The following MRPS24 variants were observed in gnomAD, a reference collection of about 807,000 sequenced individuals.
The protein encoded by MRPS24 is small ribosomal subunit protein uS3m.
Under a neutral mutation model 21.8 loss-of-function variants are expected in MRPS24, and 15 were observed. The ratio of observed to expected loss-of-function variants is 0.69; its 90% CI spans 0.46 to 1.06. The LOEUF is 1.06. MRPS24 is among the 50% of genes least tolerant of loss of function. The pLI, the probability that MRPS24 is intolerant of heterozygous loss-of-function variation, is 0.00. For synonymous variants in MRPS24, 93 were observed against 93.7 expected (o/e 0.99, Z 0.04); for missense variants, 224 against 219.1 (o/e 1.02, Z -0.14).
Position 43,869,481 on chromosome 7 carries a change from C to T in MRPS24, c.15G>A (p.Val5=). 1.3e-6 allele frequency: 2 copies of T among 1,570,108 alleles called. No individual in the cohort carries two copies. Among genetic ancestry groups the T allele is most frequent in the African/African-American group, 1.4e-5 (1 of 73,984 alleles). ...CCCGTGGCCCCAGCAACCCGCTGCA[C>T]ACGGAGGCCGCCATCTTGGGCCAAG... The part of the protein sequence containing the change: MAAS[V]CSGLLGPRVL... The change falls in exon 1 of 4, where the codon GTG becomes GTA. Residue 5 remains valine, a synonymous_variant. Transcript: ENST00000317534. The surrounding 1 kb of genome is among the most constrained non-coding windows in gnomAD (Gnocchi z 4.8).
intron 3 of MRPS24, 79 bp downstream of exon 3, chr7:43,868,884 A>T: frequency 6.5e-7 from 1 of 1,534,386 alleles, no homozygotes; most frequent in South Asian, 1.2e-5. Context: ...TGAGTTAAAG[A>T]AAACCTGTGA....
chr7:43,868,531 T>A (rs915074494), intron 3 of MRPS24: 1 of 155,122 alleles, frequency 6.4e-6, no homozygotes, highest in African/African-American at 2.4e-5. Context: ...CTGTATATAT[T>A]TACAGAGAAA....
In MRPS24 at chr7:43,866,904, A is replaced by T. The variant is rs1481477180; in HGVS notation, c.299T>A (p.Phe100Tyr). 4.3e-6 allele frequency: 7 copies of T among 1,614,174 alleles called. No homozygotes were observed. The highest frequency in any genetic ancestry group is 5.9e-6 in the Non-Finnish European group (7 of 1,180,024). The change falls in exon 4 of 4, where the codon TTC (phenylalanine) becomes TAC (tyrosine). Residue 100 changes from phenylalanine (F) to tyrosine (Y), a missense_variant. Phe to Tyr is a conservative substitution (Grantham distance 22). Transcript: ENST00000317534. ...CAGCTGGTCAGCCAGGCAGCCTGGG[A>T]AGGTACCCCACATGAACTTGCGAAG... is the stretch of plus-strand genomic sequence containing the variant. ...VFLRKFMWGT[F>Y]PGCLADQLVL...
intron 3 of MRPS24, 82 bp from the exon 4 acceptor site, chr7:43,867,064 C>T (rs1185887546): frequency 1.4e-6 from 2 of 1,455,410 alleles, no homozygotes; most frequent in Middle Eastern, 1.8e-4. Context: ...CATCCAAAAG[C>T]GCTGAGCACA....
chr7:43,869,430 A>T lies in MRPS24; in HGVS notation c.39+27T>A, dbSNP rs745691637. Reference sequence around the variant, plus strand: ...ACTAGGGACCCCACCTCCGACTCGCAGGGACCTGCCGAGTCGCCCCACTCA... The same window carrying T: ...ACTAGGGACCCCACCTCCGACTCGCTGGGACCTGCCGAGTCGCCCCACTCA... On this transcript the variant is annotated intron_variant, in intron 1 of 3. Transcript: ENST00000317534. The surrounding 1 kb of genome is among the most constrained non-coding windows in gnomAD (Gnocchi z 4.8). 23 of 1,555,018 alleles carry T rather than the reference A, an allele frequency of 1.5e-5. No homozygotes were observed. The East Asian group carries it at 4.9e-4, about 33-fold the overall frequency.
At chr7:43,867,026 C>T in intron 3 of MRPS24, 44 bp from the exon 4 acceptor site, 1 of 1,590,828 alleles carries the variant, frequency 6.3e-7, no homozygotes, top group East Asian at 2.2e-5. Context: ...CTCATTGCCC[C>T]AGGGCCCTGC....
At chr7:43,868,828 C>T in intron 3 of MRPS24, 135 bp downstream of exon 3, 3 of 1,127,204 alleles carry the variant, frequency 2.7e-6, no homozygotes, top group East Asian at 2.6e-5. Flanking sequence ...TTTTTTATGT[C>T]TCCCTTGAGT....
intron 3 of MRPS24, 22 bp downstream of exon 3, chr7:43,868,941 T>C (rs2095838526): frequency 5.0e-6 from 8 of 1,610,608 alleles, no homozygotes; most frequent in Non-Finnish European, 6.8e-6. Context: ...GTGCTCCTTT[T>C]GGAGGCCTGG....
Position 43,868,986 on chromosome 7 carries a change from T to C in MRPS24, c.197A>G (p.Lys66Arg). 1 of 1,614,052 alleles carries C rather than the reference T, an allele frequency of 6.2e-7. No individual in the cohort carries two copies. The highest frequency in any genetic ancestry group is 8.5e-7 in the Non-Finnish European group (1 of 1,179,988). ...ACCTGTGTGCAGCGACAGCCAGCCT[T>C]TACGGTGGGCGATGTAGTGCGGCGC... ...AHAPHYIAHR[K>R]GWLSLHTGNL... Residue 66 changes from lysine to arginine, a missense_variant, in exon 3 of 4, where the codon AAA (lysine) becomes AGA (arginine). Transcript: ENST00000317534.
At position 43,869,267 on chromosome 7, in the gene MRPS24, C is replaced by CCCCCT. The variant is rs2095838917; in HGVS notation, c.108+40_108+41insAGGGG. 24 of 1,460,716 alleles carry CCCCCT rather than the reference C, an allele frequency of 1.6e-5. No individual in the cohort carries two copies. The highest frequency in any genetic ancestry group is 5.8e-5 in the African/African-American group (4 of 69,382). The allele number at this position is 1,460,716 out of a possible 1,614,324, so 90.5% of individuals were successfully genotyped here. A position where few individuals can be genotyped will look rare whatever the true frequency, so the allele number is the denominator to read the frequency against. ...ACGGCTTCCCCGGCCCCCGGCCCCC[C>CCCCCT]GGCCCCCAGGCCCCCAGGCCCCTGC... is the stretch of plus-strand genomic sequence containing the variant. On this transcript the variant is annotated intron_variant, in intron 2 of 3. Coordinates refer to ENST00000317534, the MANE Select transcript of MRPS24 (RefSeq NM_032014.3). The surrounding 1 kb of genome is among the most constrained non-coding windows in gnomAD (Gnocchi z 4.8).
chr7:43,867,512 C>G (rs1467794873), intron 3 of MRPS24: 1 of 60,356 alleles, frequency 1.7e-5, no homozygotes, highest in Non-Finnish European at 3.0e-5. Flanking sequence ...AGACAAGCAT[C>G]TCTCTCTCTT....
Position 43,869,317 on chromosome 7 carries a change from G to A in MRPS24, c.99C>T (p.Val33=), listed in dbSNP as rs2095839008. 6.5e-7 allele frequency: 1 copy of A among 1,542,564 alleles called. No individual in the cohort carries two copies. ...CAWRALHTSP[V]CAKNRAARVR... ...CCCCGGCGGTGCTCACCTTGGCGCA[G>A]ACCGGGGAGGTGTGCAGGGCGCGCC... The change falls in exon 2 of 4, where the codon GTC becomes GTT. Residue 33 remains valine (V), a synonymous_variant. Transcript: ENST00000317534. This position sits in a 1 kb window ranked among gnomAD's most constrained non-coding sequence, Gnocchi z 4.8.
intron 3 of MRPS24, chr7:43,868,000 T>C (rs2095837725): frequency 6.6e-6 from 1 of 152,096 alleles, no homozygotes; most frequent in Non-Finnish European, 1.5e-5. Flanking sequence ...AAATACAGGG[T>C]TAGATTCCTT....
In MRPS24 at chr7:43,869,486, A is replaced by T; in HGVS notation, c.10T>A (p.Ser4Thr). Residue 4 changes from serine (S) to threonine (T), a missense_variant, in exon 1 of 4, where the codon TCC becomes ACC. Physicochemically the swap from Ser to Thr is moderately conservative, Grantham distance 58. Coordinates refer to ENST00000317534, the MANE Select transcript of MRPS24 (RefSeq NM_032014.3). The surrounding 1 kb of genome is among the most constrained non-coding windows in gnomAD (Gnocchi z 4.8). ...GGCCCCAGCAACCCGCTGCACACGG[A>T]GGCCGCCATCTTGGGCCAAGCGGAG... MAA[S>T]VCSGLLGPRV... is the part of the protein sequence containing the mutation. The T allele has an allele frequency of 1.3e-6, 2 of 1,569,536 alleles. No individual in the cohort carries two copies. Among genetic ancestry groups the T allele is most frequent in the East Asian group, 2.4e-5 (1 of 42,448 alleles).
At chr7:43,868,917 G>A in intron 3 of MRPS24, 46 bp downstream of exon 3, 1 of 1,597,910 alleles carries the variant, frequency 6.3e-7, no homozygotes, top group Non-Finnish European at 8.6e-7. Context: ...TTGTTTACAT[G>A]ACAGTCGGAT....
rs1447914641 is a variant in MRPS24, at chr7:43,869,303, C to T, written c.108+5G>A. Reference sequence around the variant, plus strand: ...CCCCCAGGCCCCTGCCCCGGCGGTGCTCACCTTGGCGCAGACCGGGGAGGT... The same window carrying T: ...CCCCCAGGCCCCTGCCCCGGCGGTGTTCACCTTGGCGCAGACCGGGGAGGT... On this transcript the variant is annotated splice_donor_5th_base_variant and intron_variant, in intron 2 of 3. Coordinates refer to ENST00000317534, the MANE Select transcript of MRPS24 (RefSeq NM_032014.3). This position sits in a 1 kb window ranked among gnomAD's most constrained non-coding sequence, Gnocchi z 4.8. 2.7e-6 allele frequency: 4 copies of T among 1,504,006 alleles called. No individual in the cohort carries two copies. In the South Asian group the frequency reaches 4.8e-5, roughly 18 times the overall value. 93.2% of individuals were successfully genotyped at this position (1,504,006 alleles called of 1,614,324 possible). A position where few individuals can be genotyped will look rare whatever the true frequency, so the allele number is the denominator to read the frequency against.
In MRPS24 at chr7:43,866,978, G is replaced by A. The variant is rs761722199; in HGVS notation, c.225C>T (p.Asn75=). 1.2e-6 allele frequency: 2 copies of A among 1,613,970 alleles called. No homozygotes were observed. The highest frequency in any genetic ancestry group is 1.7e-6 in the Non-Finnish European group (2 of 1,179,916). ...CTGCGGCATGGTCCTCTCCATCCAG[G>A]TTACCTGAAGAGGGAAGGGCATAAT... ...RKGWLSLHTG[N]LDGEDHAAER... Residue 75 remains asparagine (N), a synonymous_variant, in exon 4 of 4, where the codon AAC becomes AAT. Transcript: ENST00000317534.
Position 43,866,561 on chromosome 7 carries a change from G to C in MRPS24, c.*138C>G, listed in dbSNP as rs2095836478. Reference sequence around the variant, plus strand: ...GAGTAAAAACAGAGAGGCAAGACAAGATAGAAGGTCTTTATTCAATAGCAG... The same window carrying C: ...GAGTAAAAACAGAGAGGCAAGACAACATAGAAGGTCTTTATTCAATAGCAG... On this transcript the variant is annotated 3_prime_UTR_variant, in exon 4 of 4. Transcript: ENST00000317534. The C allele has an allele frequency of 2.0e-6, 2 of 977,586 alleles. No individual in the cohort carries two copies. Among genetic ancestry groups the C allele is most frequent in the Non-Finnish European group, 3.0e-6 (2 of 663,562 alleles). The allele number at this position is 977,586 out of a possible 1,614,324, so 60.6% of individuals were successfully genotyped here.
chr7:43,866,674 G>C lies in MRPS24; in HGVS notation c.*25C>G, dbSNP rs1490993766. 1.9e-6 allele frequency: 3 copies of C among 1,609,562 alleles called. No homozygotes were observed. Among genetic ancestry groups the C allele is most frequent in the Admixed American group, 1.7e-5 (1 of 59,948 alleles). ...ACGTTTCCATTCTCTGCAGGCTACA[G>C]CTTGATGGAAAAAAGGGGATTGTTC... On this transcript the variant is annotated 3_prime_UTR_variant, in exon 4 of 4. Coordinates refer to ENST00000317534, the MANE Select transcript of MRPS24 (RefSeq NM_032014.3).
Sources: allele counts gnomAD v4.1 joint callset, GRCh38; gene constraint gnomAD v4.1.1; non-coding constraint Gnocchi (gnomAD v3.1); transcripts MANE v1.5; gene names NCBI Gene and HGNC (gene_info 2026-07-23, HGNC 2026-07-21).